The following SULF1 variants were observed in gnomAD, a reference collection of about 807,000 sequenced individuals.
The protein encoded by SULF1 is extracellular sulfatase Sulf-1.
SULF1 carries 46 observed loss-of-function variants against 110.5 expected under a neutral mutation model. That is an observed-to-expected ratio of 0.42 (90% CI 0.33 to 0.53). The LOEUF (loss-of-function observed/expected upper bound fraction) is 0.53, where lower values mean the gene tolerates loss of function less well. Ranked by LOEUF, SULF1 falls within the 20% of genes least tolerant of loss-of-function variation. SULF1 has a pLI of 0.12. For synonymous variants in SULF1, 371 were observed against 387.1 expected (o/e 0.96, Z 0.49); for missense variants, 941 against 1,094.2 (o/e 0.86, Z 1.98).
intron 3 of SULF1, among the ~76,000 whole-genome samples, chr8:69,555,445 G>T (rs1009753658): frequency 6.6e-6 from 1 of 152,202 alleles, no homozygotes; most frequent in Non-Finnish European, 1.5e-5. Context: ...ATCACTTGAG[G>T]TCAGGAGTTC....
At chr8:69,515,621 C>A (rs1465536563) in intron 3 of SULF1, among the ~76,000 whole-genome samples, 1 of 152,212 alleles carries the variant, frequency 6.6e-6, no homozygotes, top group East Asian at 1.9e-4. Flanking sequence ...ATGGGTTTTT[C>A]TTTTCTACCA....
intron 3 of SULF1, among the ~76,000 whole-genome samples, chr8:69,542,690 C>T (rs188667403): frequency 5.9e-5 from 9 of 152,138 alleles, no homozygotes; most frequent in Admixed American, 2.0e-4. Context: ...AAGTTGAATA[C>T]GATGACTTCT....
intron 3 of SULF1, among the ~76,000 whole-genome samples, chr8:69,527,680 C>T (rs770139391): frequency 1.5e-4 from 23 of 151,916 alleles, no homozygotes; most frequent in Non-Finnish European, 2.8e-4. Flanking sequence ...ATAGAGTGAA[C>T]AAAAAATAAA....
chr8:69,502,860 G>T (rs1037484730), intron 3 of SULF1, among the ~76,000 whole-genome samples: 10 of 151,508 alleles, frequency 6.6e-5, no homozygotes, highest in Non-Finnish European at 1.5e-4. Flanking sequence ...GCTAATTTTT[G>T]TATTTTAGCA....
intron 3 of SULF1, among the ~76,000 whole-genome samples, chr8:69,526,798 A>AAAGGAAGGAGGG (rs1812705781): frequency 1.8e-5 from 2 of 112,198 alleles, no homozygotes; most frequent in Non-Finnish European, 3.6e-5. Context: ...GTCAAGAAAG[A>AAAGGAAGGAGGG]AAGGAAGGAA....
At position 69,628,179 on chromosome 8, in the gene SULF1, A is replaced by T; in HGVS notation, c.2051A>T (p.Asn684Ile). 1 of 1,613,340 alleles carries T rather than the reference A, an allele frequency of 6.2e-7. No homozygotes were observed. Among genetic ancestry groups the T allele is most frequent in the Non-Finnish European group, 8.5e-7 (1 of 1,179,210 alleles). ...ECSCSKQSYY[N>I]KEKGVKKQEK... ...AATCTTCTCTCCTGCAGCTATTACA[A>T]TAAAGAGAAAGGTGTAAAAAAGCAA... Residue 684 changes from asparagine (N) to isoleucine (I), a missense_variant, in exon 18 of 23, where the codon AAT (asparagine) becomes ATT (isoleucine). Around this residue, in one of 3 missense-constraint regions of SULF1, gnomAD observed 822 missense variants for 934.3 expected, o/e 0.88. Transcript: ENST00000402687.
chr8:69,563,632 G>A, intron 4 of SULF1, 21 bp downstream of exon 4: 1 of 218,804 alleles, frequency 4.6e-6, no homozygotes, highest in Non-Finnish European at 9.2e-6. Flanking sequence ...TCGTCAGAAA[G>A]CTTTTACATT....
At chr8:69,603,102 G>A (rs1031089670) in intron 10 of SULF1, 90 bp from the exon 11 acceptor site, 56 of 1,560,964 alleles carry the variant, frequency 3.6e-5, no homozygotes, top group Non-Finnish European at 4.6e-5. Flanking sequence ...AGAGTTGAAG[G>A]CCAATGAGTC....
chr8:69,480,893 T>TG (rs1320152978), intron 1 of SULF1, among the ~76,000 whole-genome samples: 229 of 44,884 alleles, frequency 5.1e-3, no homozygotes, highest in Middle Eastern at 0.015. Flanking sequence ...TGTTGTGGGA[T>TG]GGGGGAGGGG....
At chr8:69,579,077 C>A (rs1035365738) in intron 6 of SULF1, among the ~76,000 whole-genome samples, 1 of 144,654 alleles carries the variant, frequency 6.9e-6, no homozygotes, top group Admixed American at 7.1e-5. Context: ...AGGAGAATGG[C>A]GTGTACCTGG....
chr8:69,492,642 GT>G (rs1277419712), upstream of SULF1: 2 of 152,208 alleles, frequency 1.3e-5, no homozygotes, highest in East Asian at 3.9e-4. Flanking sequence ...GTTTGCCGAG[GT>G]TTGCATGCAC....
intron 1 of SULF1, among the ~76,000 whole-genome samples, chr8:69,472,647 T>C (rs1298841511): frequency 6.6e-6 from 1 of 152,182 alleles, no homozygotes; most frequent in Non-Finnish European, 1.5e-5. Context: ...CCTGGGATGA[T>C]GGGTAAGGCA....
chr8:69,580,028 C>T (rs935738721), intron 6 of SULF1, among the ~76,000 whole-genome samples: 3 of 152,046 alleles, frequency 2.0e-5, no homozygotes, highest in African/African-American at 4.8e-5. Flanking sequence ...TTTTGGGAGG[C>T]GTCCAGAATC....
At chr8:69,648,929 A>G (rs1321756549) in intron 22 of SULF1, among the ~76,000 whole-genome samples, 1 of 152,194 alleles carries the variant, frequency 6.6e-6, no homozygotes, top group African/African-American at 2.4e-5. Flanking sequence ...ATGTTCTTGA[A>G]TTTGTCTTAA....
intron 13 of SULF1, among the ~76,000 whole-genome samples, chr8:69,606,148 A>G (rs551960317): frequency 9.8e-5 from 15 of 152,342 alleles, no homozygotes; most frequent in African/African-American, 3.6e-4. Context: ...TTGAATAGAC[A>G]TTCCTAATAA....
At chr8:69,617,298 C>T (rs1809227192) in intron 13 of SULF1, among the ~76,000 whole-genome samples, 1 of 147,876 alleles carries the variant, frequency 6.8e-6, no homozygotes, top group African/African-American at 2.5e-5. Context: ...CAGCCTCCCT[C>T]CAAGTAGCTG....
chr8:69,502,837 GC>G lies in SULF1; in HGVS notation c.-134+871del, dbSNP rs1222420214. Among the ~76,000 whole-genome samples, 3 of 151,698 alleles carry G rather than the reference GC, an allele frequency of 2.0e-5. No individual in the cohort carries two copies. In the East Asian group the frequency reaches 5.8e-4, roughly 29 times the overall value. On this transcript the variant is annotated intron_variant, in intron 3 of 22. Transcript: ENST00000402687. The stretch of plus-strand genomic sequence containing the variant: ...CGATTAGCTGGGATTACAGGCGCCT[GC>G]CACCACGCCCAGCTAATTTTTGTAT...
intron 3 of SULF1, among the ~76,000 whole-genome samples, chr8:69,520,684 T>G (rs150369564): frequency 6.6e-6 from 1 of 152,192 alleles, no homozygotes; most frequent in Admixed American, 6.5e-5. Flanking sequence ...CATTTGCCAG[T>G]TAAGAATTTA....
intron 2 of SULF1, among the ~76,000 whole-genome samples, chr8:69,497,588 C>G (rs1172089649): frequency 6.6e-6 from 1 of 152,184 alleles, no homozygotes; most frequent in African/African-American, 2.4e-5. Context: ...AAAAATGCCT[C>G]CAATTCACAG....
Sources: gnomAD v4.1 joint callset for allele counts (sites outside exome capture counted in the v4.1 genomes callset) on GRCh38, gnomAD v4.1.1 for gene constraint, gnomAD v4.1.1 regional missense constraint, MANE v1.5 for transcripts, NCBI Gene and HGNC (gene_info 2026-07-23, HGNC 2026-07-21) for gene names.